The following PJVK variants were observed in gnomAD, a reference collection of about 807,000 sequenced individuals.
PJVK encodes the protein pejvakin, also known as autosomal recessive deafness type 59 protein.
A neutral mutation model predicts 37.6 loss-of-function variants in PJVK; 33 were observed. That is an observed-to-expected ratio of 0.88 (90% CI 0.67 to 1.17). PJVK has a LOEUF of 1.17. Among genes scored for constraint, PJVK ranks in the 50% most tolerant of loss-of-function variants. The probability of loss-of-function intolerance (pLI) is 0.00; values close to 1 mark genes in which losing one functional copy is unlikely to be tolerated. For missense variants in PJVK, 410 were observed against 413.8 expected (o/e 0.99, Z 0.08); for synonymous variants, 141 against 143.5 (o/e 0.98, Z 0.13).
At chr2:178,454,141 T>A in intron 2 of PJVK, 191 bp from the exon 3 acceptor site, 1 of 508,310 alleles carries the variant, frequency 2.0e-6, no homozygotes, top group South Asian at 2.8e-5. Context: ...TGAGTTCCTT[T>A]TAAGAATTCT....
At chr2:178,458,681 A>G (rs2154126216) in intron 5 of PJVK, 54 bp downstream of exon 5, 3 of 1,305,994 alleles carry the variant, frequency 2.3e-6, no homozygotes, top group Middle Eastern at 1.8e-4. Context: ...AGGAGCATTC[A>G]TTAGGGCATG....
intron 4 of PJVK, among the ~76,000 whole-genome samples, chr2:178,456,552 A>G (rs1684100782): frequency 6.6e-6 from 1 of 152,144 alleles, no homozygotes; most frequent in Non-Finnish European, 1.5e-5. Flanking sequence ...GATCACTTGC[A>G]GTCAGGAGTT....
At chr2:178,454,221 T>A in intron 2 of PJVK, 111 bp from the exon 3 acceptor site, 1 of 907,418 alleles carries the variant, frequency 1.1e-6, no homozygotes, top group Non-Finnish European at 1.7e-6. Flanking sequence ...TCATGTTGCC[T>A]TTCTCTAACA....
At chr2:178,452,492 T>C (rs1281728370) in intron 1 of PJVK, 16 of 985,204 alleles carry the variant, frequency 1.6e-5, no homozygotes, top group Non-Finnish European at 1.9e-5. Flanking sequence ...GGATATCTTA[T>C]TGGAAGGGCT....
At chr2:178,460,848 CAA>C (rs748779811) in intron 6 of PJVK, 132 bp from the exon 7 acceptor site, 23,246 of 284,888 alleles carry the variant, frequency 0.082, no homozygotes, top group Middle Eastern at 0.094. Context: ...GACCCTGTCT[CAA>C]AAAAAAAAAA....
intron 4 of PJVK, among the ~76,000 whole-genome samples, chr2:178,457,588 T>TCCACCGCTA (rs11274825): frequency 6.6e-6 from 1 of 151,998 alleles, no homozygotes; most frequent in South Asian, 2.1e-4. Context: ...AAGCCGTGCT[T>TCCACCGCTA]TTGTGCTGGG....
intron 5 of PJVK, chr2:178,459,808 A>G (rs550678143): frequency 1.3e-5 from 2 of 154,366 alleles, no homozygotes; most frequent in Admixed American, 1.3e-4. Flanking sequence ...TTTATCCTAC[A>G]GATATATTTA....
In PJVK at chr2:178,457,054, C is replaced by T. The variant is rs183377778; in HGVS notation, c.549+903C>T. On this transcript the variant is annotated intron_variant, in intron 4 of 6. Transcript: ENST00000644580. ...CGCGATCTTGGCTCACTGCAAACTC[C>T]GCCTCCCGGGTTCATGCCATTCTTC... Among the ~76,000 whole-genome samples, 225 of 152,122 alleles carry T rather than the reference C, an allele frequency of 1.5e-3. 5 individuals are homozygous for T. In the South Asian group the frequency reaches 0.023, roughly 16 times the overall value.
Position 178,461,314 on chromosome 2 carries a change from G to A in PJVK, c.*40G>A, listed in dbSNP as rs191705591. 1.2e-6 allele frequency: 2 copies of A among 1,607,654 alleles called. No individual in the cohort carries two copies. Among genetic ancestry groups the A allele is most frequent in the South Asian group, 1.1e-5 (1 of 90,656 alleles). ...ACACCGTGTTGGTGTTTTAGGTGCA[G>A]TTGTGCCACAAACCTTCCCTAAATT... On this transcript the variant is annotated 3_prime_UTR_variant, in exon 7 of 7. Transcript: ENST00000644580.
chr2:178,459,871 G>T (rs925071770), intron 5 of PJVK: 5 of 160,454 alleles, frequency 3.1e-5, no homozygotes, highest in African/African-American at 1.2e-4. Context: ...AATAACAAGA[G>T]ATTGGAAACA....
At chr2:178,454,965 C>G (rs1356315125) in intron 3 of PJVK, 3 of 932,132 alleles carry the variant, frequency 3.2e-6, no homozygotes, top group South Asian at 1.3e-5. Flanking sequence ...GACCAAGACC[C>G]TGTCGGAGCT....
chr2:178,458,796 T>G (rs1267254032), intron 5 of PJVK, among the ~76,000 whole-genome samples, 169 bp downstream of exon 5: 2 of 152,180 alleles, frequency 1.3e-5, no homozygotes, highest in Non-Finnish European at 2.9e-5. Context: ...AGAAAGACCC[T>G]CCGTTCGCTG....
rs1291859623 is a variant in PJVK at position 178,453,380 on chromosome 2, G to A, written c.-22-8G>A. 1.9e-6 allele frequency: 3 copies of A among 1,612,402 alleles called. No homozygotes were observed. The highest frequency in any genetic ancestry group is 1.7e-5 in the Admixed American group (1 of 59,980). On this transcript the variant is annotated splice_polypyrimidine_tract_variant and splice_region_variant and intron_variant, in intron 1 of 6. Transcript: ENST00000644580. ...CTCTTTAAAAATGGATTTATCTGGG[G>A]GTTGCAGTTGATGACGTTTTGATTT...
intron 3 of PJVK, chr2:178,455,313 A>C: frequency 7.6e-7 from 1 of 1,318,226 alleles, no homozygotes; most frequent in African/African-American, 1.4e-5. Context: ...ATCTATGACC[A>C]GTAACAGAAG....
intron 3 of PJVK, 133 bp downstream of exon 3, chr2:178,454,660 C>A: frequency 7.0e-7 from 1 of 1,422,202 alleles, no homozygotes; most frequent in Non-Finnish European, 9.7e-7. Flanking sequence ...GTTTGAAATA[C>A]ATTGGTAGTA....
rs962780981 is a variant in PJVK at position 178,458,492 on chromosome 2, T to A, written c.550-18T>A. 6.6e-7 allele frequency: 1 copy of A among 1,526,356 alleles called. No individual in the cohort carries two copies. Among genetic ancestry groups the A allele is most frequent in the Non-Finnish European group, 9.1e-7 (1 of 1,100,714 alleles). The allele number at this position is 1,526,356 out of a possible 1,614,324, so 94.6% of individuals were successfully genotyped here. Reference sequence around the variant, plus strand: ...CATGTTATGATCCTTAATTATGTTATTTATTTATTCAATATAGTTTCACTT... The same window carrying A: ...CATGTTATGATCCTTAATTATGTTAATTATTTATTCAATATAGTTTCACTT... On this transcript the variant is annotated intron_variant, in intron 4 of 6. Transcript: ENST00000644580.
At chr2:178,454,033 A>C (rs978364330) in intron 2 of PJVK, 4 of 324,560 alleles carry the variant, frequency 1.2e-5, no homozygotes. Flanking sequence ...TAATAAGCTG[A>C]TATTTTGATG....
intron 1 of PJVK, 171 bp from the exon 2 acceptor site, chr2:178,453,217 A>C (rs959396817): frequency 1.7e-6 from 1 of 593,512 alleles, no homozygotes; most frequent in East Asian, 3.0e-5. Flanking sequence ...CCGTTGATCT[A>C]TAATTCATTA....
chr2:178,462,056 C>T lies in PJVK; in HGVS notation c.*782C>T, dbSNP rs944349563. Among the ~76,000 whole-genome samples the T allele has an allele frequency of 2.0e-5, 3 of 152,200 alleles. No homozygotes were observed. The highest frequency in any genetic ancestry group is 7.2e-5 in the African/African-American group (3 of 41,466). On this transcript the variant is annotated 3_prime_UTR_variant, in exon 7 of 7. Coordinates refer to ENST00000644580, the MANE Select transcript of PJVK (RefSeq NM_001042702.5). ...AAATGTGTTAATAATTTAATGCAAT[C>T]TTAAATGTTTAATTGCAGTATCAAA...
Sources: gnomAD v4.1 joint callset for allele counts (sites outside exome capture counted in the v4.1 genomes callset) on GRCh38, gnomAD v4.1.1 for gene constraint, MANE v1.5 for transcripts, NCBI Gene and HGNC (gene_info 2026-07-23, HGNC 2026-07-21) for gene names.